Variants in TPP2 observed in about 807,000 individuals in gnomAD.
The protein encoded by TPP2 is tripeptidyl peptidase 2.
In TPP2, 34 loss-of-function variants were observed where a neutral mutation model predicts 155.9. The ratio of observed to expected loss-of-function variants is 0.22; its 90% CI spans 0.17 to 0.29. TPP2 has a LOEUF of 0.29. Among genes scored for constraint, TPP2 ranks in the 10% least tolerant of loss-of-function variants. TPP2 has a pLI of 1.00. For missense variants in TPP2, 1,028 were observed against 1,522.3 expected (o/e 0.68, Z 5.40); for synonymous variants, 510 against 529.4 (o/e 0.96, Z 0.50).
chr13:102,662,031 T>C (rs1884262897), intron 25 of TPP2, among the ~76,000 whole-genome samples: 1 of 152,188 alleles, frequency 6.6e-6, no homozygotes, highest in Non-Finnish European at 1.5e-5. Context: ...CATCAGCTGA[T>C]GAATGGACAA....
At chr13:102,617,076 T>G (rs770066704) in intron 4 of TPP2, among the ~76,000 whole-genome samples, 8 of 120,760 alleles carry the variant, frequency 6.6e-5, no homozygotes, top group Non-Finnish European at 1.3e-4. Flanking sequence ...ACCCGACTAG[T>G]TTTTTTTTTT....
chr13:102,636,611 A>G (rs1046325127), intron 13 of TPP2, among the ~76,000 whole-genome samples: 1 of 152,242 alleles, frequency 6.6e-6, no homozygotes, highest in African/African-American at 2.4e-5. Flanking sequence ...CAGGGAAAAC[A>G]GTAGAATGAG....
intron 25 of TPP2, among the ~76,000 whole-genome samples, chr13:102,659,616 C>T (rs945272054): frequency 2.0e-5 from 3 of 152,108 alleles, no homozygotes; most frequent in Non-Finnish European, 4.4e-5. Context: ...GCAAAACTGT[C>T]CTTTAAAAAT....
rs1264572199 is a variant in TPP2 at position 102,657,044 on chromosome 13, C to A, written c.2992-12C>A. ...AGCATATTAATCTAAGAATCTCTCT[C>A]CACATTCGTAGGATGTAATCCCTGT... On this transcript the variant is annotated splice_polypyrimidine_tract_variant and intron_variant, in intron 24 of 29. Transcript: ENST00000376052. 6.3e-7 allele frequency: 1 copy of A among 1,577,902 alleles called. No homozygotes were observed. Among genetic ancestry groups the A allele is most frequent in the East Asian group, 2.3e-5 (1 of 43,382 alleles).
At chr13:102,646,043 T>C (rs1409253671) in intron 19 of TPP2, among the ~76,000 whole-genome samples, 3 of 152,248 alleles carry the variant, frequency 2.0e-5, no homozygotes, top group Non-Finnish European at 4.4e-5. Flanking sequence ...CATTTGAAAA[T>C]GTTTTTGCCA....
At chr13:102,660,530 GTGGACCAGAAGACTTAATATCA>G (rs1884138059) in intron 25 of TPP2, among the ~76,000 whole-genome samples, 1 of 152,322 alleles carries the variant, frequency 6.6e-6, no homozygotes, top group African/African-American at 2.4e-5. Flanking sequence ...TTCTTTGTCT[GTGGACCAGAAGACTTAATATCA>G]TTACACTATT....
intron 1 of TPP2, among the ~76,000 whole-genome samples, chr13:102,601,270 T>A (rs1018473202): frequency 6.6e-6 from 1 of 152,258 alleles, no homozygotes; most frequent in East Asian, 1.9e-4. Context: ...AATCTTTATT[T>A]GCTTAAAAGA....
Position 102,597,008 on chromosome 13 carries a change from T to A in TPP2, c.-31T>A. On this transcript the variant is annotated 5_prime_UTR_variant, in exon 1 of 30. It adds an upstream start codon to the 5' untranslated region. Transcript: ENST00000376052. ...GCTAGTCCGCGCGCAGCCTGGCAGTTTGCCGCTTCCTCGTCCTCCATCCTG... is the reference window on the plus strand; with the variant it reads ...GCTAGTCCGCGCGCAGCCTGGCAGTATGCCGCTTCCTCGTCCTCCATCCTG... The A allele has an allele frequency of 1.2e-6, 2 of 1,605,046 alleles. No individual in the cohort carries two copies. Among genetic ancestry groups the A allele is most frequent in the Non-Finnish European group, 1.7e-6 (2 of 1,176,290 alleles).
rs374709771 is a variant in TPP2 at position 102,661,032 on chromosome 13, C to G, written c.3144-2616C>G. Among the ~76,000 whole-genome samples, 5 of 151,872 alleles carry G rather than the reference C, an allele frequency of 3.3e-5. No individual in the cohort carries two copies. The East Asian group carries it at 7.7e-4, about 23-fold the overall frequency. On this transcript the variant is annotated intron_variant, in intron 25 of 29. Transcript: ENST00000376052. ...GCTGAAACTACAAAACTCAATGAGA[C>G]GTAGTGGTAAACTTTCATGACCTTA...
At chr13:102,655,800 G>A (rs888933197) in intron 24 of TPP2, among the ~76,000 whole-genome samples, 9 of 151,608 alleles carry the variant, frequency 5.9e-5, no homozygotes, top group African/African-American at 1.7e-4. Context: ...TTCCTTCTTC[G>A]TCGTACACTG....
rs529543040 is a variant in TPP2, at chr13:102,604,717, A to G, written c.166-76A>G. On this transcript the variant is annotated intron_variant, in intron 1 of 29. Transcript: ENST00000376052. ...GTAGATTTTGTATATACACACACAT[A>G]TATATGTGGATTTGCATTGTTTAGG... The G allele has an allele frequency of 3.5e-6, 5 of 1,416,978 alleles. No homozygotes were observed. In the African/African-American group the frequency reaches 9.4e-5, roughly 27 times the overall value. The allele number at this position is 1,416,978 out of a possible 1,614,324, so 87.8% of individuals were successfully genotyped here. A position where few individuals can be genotyped will look rare whatever the true frequency, so the allele number is the denominator to read the frequency against.
At chr13:102,651,247 A>G in intron 23 of TPP2, 112 bp from the exon 24 acceptor site, 1 of 1,158,318 alleles carries the variant, frequency 8.6e-7, no homozygotes, top group Non-Finnish European at 1.2e-6. Flanking sequence ...TGAGCCTTCT[A>G]AGTGGTGTAA....
At chr13:102,668,107 AT>A (rs1325222867) in intron 27 of TPP2, among the ~76,000 whole-genome samples, 1 of 152,214 alleles carries the variant, frequency 6.6e-6, no homozygotes. Context: ...GAGTAGTCAA[AT>A]TTGTCTAGCG....
intron 24 of TPP2, among the ~76,000 whole-genome samples, chr13:102,656,729 T>A (rs1694162198): frequency 6.6e-6 from 1 of 152,176 alleles, no homozygotes; most frequent in Non-Finnish European, 1.5e-5. Flanking sequence ...CTTCTCAGAT[T>A]TAAAATGTGA....
chr13:102,677,377 C>CG (rs1041718508), intron 29 of TPP2, among the ~76,000 whole-genome samples: 84 of 152,280 alleles, frequency 5.5e-4, no homozygotes, highest in African/African-American at 1.9e-3. Flanking sequence ...CTCTGCCCCC[C>CG]CCGCTGCCTG....
intron 7 of TPP2, 102 bp downstream of exon 7, chr13:102,627,268 A>G (rs1440199802): frequency 7.1e-6 from 8 of 1,134,530 alleles, no homozygotes; most frequent in East Asian, 5.7e-5. Context: ...ACATTGAACT[A>G]TATATAGTGT....
intron 10 of TPP2, among the ~76,000 whole-genome samples, chr13:102,633,175 G>C (rs1025563854): frequency 3.3e-5 from 5 of 152,184 alleles, no homozygotes; most frequent in African/African-American, 1.2e-4. Flanking sequence ...TGGGGCAGAG[G>C]ACAGAGCTTT....
intron 24 of TPP2, chr13:102,654,851 G>A: frequency 2.3e-6 from 1 of 427,514 alleles, no homozygotes; most frequent in Non-Finnish European, 4.7e-6. Flanking sequence ...GGTGGTAGAA[G>A]ATCAGCTCAG....
In TPP2 at chr13:102,679,087, C is replaced by T. The variant is rs1451832298; in HGVS notation, c.*771C>T. ...AATGTAAAACACATGAATAAATTTG[C>T]AAAACCAAGATCACAGTACACCATA... On this transcript the variant is annotated 3_prime_UTR_variant, in exon 30 of 30. Coordinates refer to ENST00000376052, the MANE Select transcript of TPP2 (RefSeq NM_001330588.2). The T allele has an allele frequency of 3.3e-5, 5 of 152,378 alleles. No homozygotes were observed. The highest frequency in any genetic ancestry group is 5.9e-5 in the Non-Finnish European group (4 of 67,990). The allele number at this position is 152,378 out of a possible 1,614,324, so 9.4% of individuals were successfully genotyped here.
Sources: allele counts gnomAD v4.1 joint callset (sites outside exome capture counted in the v4.1 genomes callset), GRCh38; gene constraint gnomAD v4.1.1; transcripts MANE v1.5; gene names NCBI Gene and HGNC (gene_info 2026-07-23, HGNC 2026-07-21).